TMEM59L: variants seen among roughly 807,000 people sequenced by gnomAD.
The protein encoded by TMEM59L is transmembrane protein 59-like.
Under a neutral mutation model 39.6 loss-of-function variants are expected in TMEM59L, and 31 were observed. That is an observed-to-expected ratio of 0.78 (90% confidence interval 0.59 to 1.06). The LOEUF is 1.06. Ranked by LOEUF, TMEM59L falls within the 50% of genes least tolerant of loss-of-function variation. The pLI, the probability that TMEM59L is intolerant of heterozygous loss-of-function variation, is 0.00. For missense variants in TMEM59L, 441 were observed against 451.3 expected (o/e 0.98, Z 0.21); for synonymous variants, 219 against 202.9 (o/e 1.08, Z -0.68).
intron 7 of TMEM59L, among the ~76,000 whole-genome samples, 185 bp downstream of exon 7, chr19:18,618,677 A>G (rs1176528881): frequency 1.0e-4 from 14 of 136,412 alleles, no homozygotes; most frequent in African/African-American, 3.6e-4. Context: ...GTGTGTGTAT[A>G]TATATATATA....
In TMEM59L at chr19:18,614,002, C is replaced by A. The variant is rs1568446118; in HGVS notation, c.302C>A (p.Thr101Asn). The stretch of plus-strand genomic sequence containing the variant: ...AGCTCCAAGCCCAATGCCACCCAAA[C>A]TGAGTGTGAAGCAGGTGAGGGCCCG... ...ARSSKPNATQ[T>N]ECEAACVEAY... The change falls in exon 2 of 8, where the codon ACT (threonine) becomes AAT (asparagine). Residue 101 changes from threonine to asparagine, a missense_variant. Transcript: ENST00000262817. The A allele has an allele frequency of 6.2e-7, 1 of 1,613,432 alleles. No individual in the cohort carries two copies. The highest frequency in any genetic ancestry group is 8.5e-7 in the Non-Finnish European group (1 of 1,180,026).
rs776594729 is a variant in TMEM59L, at chr19:18,620,432, G to A, written c.925G>A (p.Gly309Ser). The A allele has an allele frequency of 3.7e-6, 6 of 1,613,310 alleles. No individual in the cohort carries two copies. The highest frequency in any genetic ancestry group is 5.1e-6 in the Non-Finnish European group (6 of 1,179,954). The change falls in exon 8 of 8, where the codon GGC becomes AGC. Residue 309 changes from glycine (G) to serine (S), a missense_variant. Gly to Ser is a moderately conservative substitution (Grantham distance 56). Coordinates refer to ENST00000262817, the MANE Select transcript of TMEM59L (RefSeq NM_012109.3). Reference protein sequence around the residue: ...FQPLTLEQHKGFMMEPDWPLY... With the variant: ...FQPLTLEQHKSFMMEPDWPLY... ...GCCTCTGACCCTGGAGCAGCACAAG[G>A]GCTTCATGATGGAGCCCGATTGGCC...
At position 18,617,990 on chromosome 19, in the gene TMEM59L, G is replaced by A; in HGVS notation, c.665-165G>A. ...TTCATCTCCTAGGATCCATCTCCCAGGGTTCCATGGTCCCTGTCTCAGCAT... is the reference window on the plus strand; with the variant it reads ...TTCATCTCCTAGGATCCATCTCCCAAGGTTCCATGGTCCCTGTCTCAGCAT... On this transcript the variant is annotated intron_variant, in intron 5 of 7. Coordinates refer to ENST00000262817, the MANE Select transcript of TMEM59L (RefSeq NM_012109.3). 4.4e-6 allele frequency: 3 copies of A among 677,684 alleles called. No homozygotes were observed. In the South Asian group the frequency reaches 5.2e-5, roughly 12 times the overall value. The allele number at this position is 677,684 out of a possible 1,614,324, so 42.0% of individuals were successfully genotyped here.
chr19:18,617,738 TTCCCAGGGTTCCATGTTCCATC>T (rs1278990716), intron 5 of TMEM59L: 57 of 405,610 alleles, frequency 1.4e-4, no homozygotes, highest in East Asian at 1.0e-3. Flanking sequence ...CATGGTCCAT[TTCCCAGGGTTCCATGTTCCATC>T]TCCCAGGGTT....
chr19:18,616,260 G>A (rs1976426465), intron 4 of TMEM59L, 133 bp downstream of exon 4: 1 of 1,047,712 alleles, frequency 9.5e-7, no homozygotes, highest in South Asian at 1.6e-5. Context: ...TGGATCCAGG[G>A]GCTCAGTGTC....
rs1976399720 is a variant in TMEM59L, at chr19:18,613,936, G to A, written c.236G>A (p.Arg79His). The change falls in exon 2 of 8, where the codon CGT becomes CAT. Residue 79 changes from arginine to histidine, a missense_variant. Physicochemically the swap from Arg to His is conservative, Grantham distance 29. Transcript: ENST00000262817. ...DRAVLISACE[R>H]GCRLFSICRF... ...GCCGTTCTGATCAGCGCTTGCGAGCGTGGCTGCCGCCTCTTCTCCATCTGC... is the reference window on the plus strand; with the variant it reads ...GCCGTTCTGATCAGCGCTTGCGAGCATGGCTGCCGCCTCTTCTCCATCTGC... The A allele has an allele frequency of 1.9e-6, 3 of 1,613,016 alleles. No homozygotes were observed. Among genetic ancestry groups the A allele is most frequent in the Non-Finnish European group, 2.5e-6 (3 of 1,180,012 alleles).
chr19:18,612,983 C>T lies in TMEM59L; in HGVS notation c.25C>T (p.Pro9Ser). Residue 9 changes from proline to serine, a missense_variant, in exon 1 of 8, where the codon CCG becomes TCG. Coordinates refer to ENST00000262817, the MANE Select transcript of TMEM59L (RefSeq NM_012109.3). This position sits in a 1 kb window ranked among gnomAD's most constrained non-coding sequence, Gnocchi z 6.2. ...CATGGCTGCGGTGGCGCTGATGCCA[C>T]CGCCGCTGCTGCTGCTGCTGCTGTT... MAAVALMP[P>S]PLLLLLLLAS... is the part of the protein sequence containing the mutation. 3 of 1,352,912 alleles carry T rather than the reference C, an allele frequency of 2.2e-6. No individual in the cohort carries two copies. Among genetic ancestry groups the T allele is most frequent in the Non-Finnish European group, 2.8e-6 (3 of 1,056,534 alleles). The allele number at this position is 1,352,912 out of a possible 1,614,324, so 83.8% of individuals were successfully genotyped here.
At chr19:18,616,947 C>T in intron 4 of TMEM59L, 53 bp from the exon 5 acceptor site, 1 of 1,413,568 alleles carries the variant, frequency 7.1e-7, no homozygotes, top group Non-Finnish European at 9.7e-7. Flanking sequence ...CCTGCCTGGG[C>T]CCAGGGGTGC....
rs759247907 is a variant in TMEM59L, at chr19:18,620,493, G to A, written c.986G>A (p.Ser329Asn). 11 of 1,613,678 alleles carry A rather than the reference G, an allele frequency of 6.8e-6. No homozygotes were observed. In the Admixed American group the frequency reaches 1.5e-4, roughly 22 times the overall value. ...YPPPSHACED[S>N]LPPYKLKLDL... ...CCGCCGTCCCACGCCTGTGAGGACA[G>A]CCTACCACCCTACAAGCTGAAGCTG... is the stretch of plus-strand genomic sequence containing the variant. The change falls in exon 8 of 8, where the codon AGC becomes AAC. Residue 329 changes from serine to asparagine, a missense_variant. Ser to Asn is a conservative substitution (Grantham distance 46). Transcript: ENST00000262817.
chr19:18,617,604 A>G (rs1445896510), intron 5 of TMEM59L: 7 of 452,128 alleles, frequency 1.5e-5, no homozygotes, highest in Middle Eastern at 3.3e-4. Flanking sequence ...CCTAGGGTCC[A>G]TCTCCAAGGG....
In TMEM59L at chr19:18,614,109, G is replaced by A. The variant is rs201610554; in HGVS notation, c.322G>A (p.Val108Met). 3.1e-6 allele frequency: 5 copies of A among 1,612,012 alleles called. No individual in the cohort carries two copies. The highest frequency in any genetic ancestry group is 2.2e-5 in the East Asian group (1 of 44,874). ...CCCGCTCCCACCTCCCACAGCCTGC[G>A]TGGAAGCCTATGTGAAGGAGGCAGA... ...ATQTECEAAC[V>M]EAYVKEAEQQ... Residue 108 changes from valine (V) to methionine (M), a missense_variant, in exon 3 of 8, where the codon GTG becomes ATG. Transcript: ENST00000262817.
rs1976452672 is a variant in TMEM59L, at chr19:18,618,244, G to A, written c.754G>A (p.Asp252Asn). Residue 252 changes from aspartate (D) to asparagine (N), a missense_variant, in exon 6 of 8, where the codon GAC becomes AAC. Transcript: ENST00000262817. ...KAKVESEEPQ[D>N]NDFLSCMSRR... ...CAAGGTGGAGTCTGAAGAGCCACAGGACAATGACTTCCTCAGTTGCATGTC... is the reference window on the plus strand; with the variant it reads ...CAAGGTGGAGTCTGAAGAGCCACAGAACAATGACTTCCTCAGTTGCATGTC... 2 of 1,435,832 alleles carry A rather than the reference G, an allele frequency of 1.4e-6. No homozygotes were observed. The highest frequency in any genetic ancestry group is 1.1e-5 in the South Asian group (1 of 88,704). 88.9% of individuals were successfully genotyped at this position (1,435,832 alleles called of 1,614,324 possible). A position where few individuals can be genotyped will look rare whatever the true frequency, so the allele number is the denominator to read the frequency against.
At chr19:18,614,271 C>G in intron 3 of TMEM59L, 76 bp downstream of exon 3, 2 of 1,476,752 alleles carry the variant, frequency 1.4e-6, no homozygotes, top group Non-Finnish European at 1.8e-6. Flanking sequence ...AATCTTCATT[C>G]ACGTGCAGAG....
rs756120614 is a variant in TMEM59L at position 18,613,914 on chromosome 19, G to C, written c.214G>C (p.Val72Leu). The change falls in exon 2 of 8, where the codon GTT becomes CTT. Residue 72 changes from valine (V) to leucine (L), a missense_variant. Val to Leu is a conservative substitution (Grantham distance 32). Coordinates refer to ENST00000262817, the MANE Select transcript of TMEM59L (RefSeq NM_012109.3). ...GASESPYDRA[V>L]LISACERGCR... ...CTCCGAGTCTCCCTATGACAGAGCC[G>C]TTCTGATCAGCGCTTGCGAGCGTGG... is the stretch of plus-strand genomic sequence containing the variant. 1.6e-5 allele frequency: 26 copies of C among 1,612,282 alleles called. No individual in the cohort carries two copies. The highest frequency in any genetic ancestry group is 1.6e-4 in the Middle Eastern group (1 of 6,062).
chr19:18,619,254 C>T (rs1432789335), intron 7 of TMEM59L, among the ~76,000 whole-genome samples: 1 of 152,192 alleles, frequency 6.6e-6, no homozygotes, highest in East Asian at 1.9e-4. Flanking sequence ...TCCCAGAATA[C>T]CGGGATTACA....
At chr19:18,615,688 A>G (rs1301664492) in intron 3 of TMEM59L, among the ~76,000 whole-genome samples, 3 of 151,972 alleles carry the variant, frequency 2.0e-5, no homozygotes, top group Non-Finnish European at 4.4e-5. Context: ...GCTCACTGCA[A>G]CCTCTGCCTC....
chr19:18,614,135 G>A lies in TMEM59L; in HGVS notation c.348G>A (p.Glu116=), dbSNP rs1343323249. The change falls in exon 3 of 8, where the codon GAG becomes GAA. Residue 116 remains glutamate, a synonymous_variant. Transcript: ENST00000262817. ...TGGAAGCCTATGTGAAGGAGGCAGAGCAGCAGGCCTGTAGCCACGGCTGCT... is the reference window on the plus strand; with the variant it reads ...TGGAAGCCTATGTGAAGGAGGCAGAACAGCAGGCCTGTAGCCACGGCTGCT... ...ACVEAYVKEA[E]QQACSHGCWS... The A allele has an allele frequency of 6.2e-7, 1 of 1,610,630 alleles. No individual in the cohort carries two copies. The highest frequency in any genetic ancestry group is 8.5e-7 in the Non-Finnish European group (1 of 1,179,270).
Position 18,615,990 on chromosome 19 carries a change from G to C in TMEM59L, c.424G>C (p.Ala142Pro), listed in dbSNP as rs112435956. 3.9e-5 allele frequency: 63 copies of C among 1,613,932 alleles called. 1 individual carries two copies. In the African/African-American group the frequency reaches 6.0e-4, roughly 15 times the overall value. The change falls in exon 4 of 8, where the codon GCT becomes CCT. Residue 142 changes from alanine (A) to proline (P), a missense_variant. Coordinates refer to ENST00000262817, the MANE Select transcript of TMEM59L (RefSeq NM_012109.3). ...TTTTCACCAGAGAAAGGTCCTGGAG[G>C]CTCCAAGTGGGGCCCTCTCCCTCTT... ...EPEQKRKVLEAPSGALSLLDL... is the reference protein window; with the variant it reads ...EPEQKRKVLEPPSGALSLLDL...
chr19:18,613,987 C>A lies in TMEM59L; in HGVS notation c.287C>A (p.Pro96His), dbSNP rs1976400469. The change falls in exon 2 of 8, where the codon CCC (proline) becomes CAC (histidine). Residue 96 changes from proline to histidine, a missense_variant. Physicochemically the swap from Pro to His is moderately conservative, Grantham distance 77 (BLOSUM62 -2). Transcript: ENST00000262817. ...ICRFVARSSK[P>H]NATQTECEAA... ...CGATTTGTGGCCAGAAGCTCCAAGCCCAATGCCACCCAAACTGAGTGTGAA... is the reference window on the plus strand; with the variant it reads ...CGATTTGTGGCCAGAAGCTCCAAGCACAATGCCACCCAAACTGAGTGTGAA... 6.2e-7 allele frequency: 1 copy of A among 1,613,292 alleles called. No individual in the cohort carries two copies. Among genetic ancestry groups the A allele is most frequent in the Non-Finnish European group, 8.5e-7 (1 of 1,180,038 alleles).
Sources: allele counts gnomAD v4.1 joint callset (sites outside exome capture counted in the v4.1 genomes callset), GRCh38; gene constraint gnomAD v4.1.1; non-coding constraint Gnocchi (gnomAD v3.1); transcripts MANE v1.5; gene names NCBI Gene and HGNC (gene_info 2026-07-23, HGNC 2026-07-21).